Variants in PNOC observed in about 807,000 individuals in gnomAD.
PNOC encodes nociceptin.
In PNOC, 10 loss-of-function variants were observed where a neutral mutation model predicts 15.6. That is an observed-to-expected ratio of 0.64 (90% CI 0.40 to 1.09). The LOEUF is 1.09. PNOC is among the 50% of genes least tolerant of loss of function. The pLI, the probability that PNOC is intolerant of heterozygous loss-of-function variation, is 0.01. For missense variants in PNOC, 220 were observed against 223.9 expected, an observed-to-expected ratio of 0.98 and a Z score of 0.11; for synonymous variants, 98 against 88.5, an observed-to-expected ratio of 1.11 and a Z score of -0.60.
At chr8:28,334,886 T>A (rs928223300) in intron 2 of PNOC, among the ~76,000 whole-genome samples, 22 of 152,224 alleles carry the variant, frequency 1.4e-4, no homozygotes, top group African/African-American at 5.3e-4. Flanking sequence ...TATCATTTTT[T>A]ATAATCAGTA....
chr8:28,342,878 G>C, intron 3 of PNOC, 64 bp from the exon 4 acceptor site: 2 of 593,378 alleles, frequency 3.4e-6, no homozygotes. Flanking sequence ...GTCTCTAGGG[G>C]GAATAGAAAA....
chr8:28,330,396 A>ATTTTATTTTATTTTTTTTTTTTTTTTTTT (rs377288105), intron 2 of PNOC, among the ~76,000 whole-genome samples: 6 of 80,414 alleles, frequency 7.5e-5, no homozygotes, highest in African/African-American at 2.0e-4. Context: ...ATTTTATTTT[A>ATTTTATTTTATTTTTTTTTTTTTTTTTTT]TTTTTTTTTT....
chr8:28,334,840 T>C (rs1172802706), intron 2 of PNOC, among the ~76,000 whole-genome samples: 1 of 152,178 alleles, frequency 6.6e-6, no homozygotes, highest in African/African-American at 2.4e-5. Flanking sequence ...AACTTCATTG[T>C]TCTTAAGGCA....
chr8:28,323,926 T>G (rs1428467578), intron 1 of PNOC, among the ~76,000 whole-genome samples: 3 of 152,270 alleles, frequency 2.0e-5, no homozygotes, highest in Non-Finnish European at 4.4e-5. Context: ...TGGATGGAAC[T>G]ATGTGGTCAT....
chr8:28,333,930 A>C (rs1199307478), intron 2 of PNOC, among the ~76,000 whole-genome samples: 1 of 152,128 alleles, frequency 6.6e-6, no homozygotes, highest in Non-Finnish European at 1.5e-5. Context: ...TTGACTTTGT[A>C]GAGCAGAGTT....
chr8:28,329,164 G>C lies in PNOC; in HGVS notation c.7G>C (p.Val3Leu). Residue 3 changes from valine (V) to leucine (L), a missense_variant, in exon 2 of 4, where the codon GTC becomes CTC. Coordinates refer to ENST00000301908, the MANE Select transcript of PNOC (RefSeq NM_006228.5). Reference protein sequence around the residue: MKVLLCDLLLLSL... With the variant: MKLLLCDLLLLSL... ...TGCTTCCTGCTCCTGCACCATGAAA[G>C]TCCTGCTTTGTGACCTGCTGCTGCT... 2.5e-6 allele frequency: 4 copies of C among 1,613,694 alleles called. No homozygotes were observed. Among genetic ancestry groups the C allele is most frequent in the Non-Finnish European group, 2.5e-6 (3 of 1,180,020 alleles).
rs1431540071 is a variant in PNOC at position 28,330,400 on chromosome 8, T to TATTTTATTTTATTTTATTTTATTTTA, written c.126+1117_126+1118insATTTTATTTTATTTTATTTTATTTTA. On this transcript the variant is annotated intron_variant, in intron 2 of 3. Transcript: ENST00000301908. ...TATTTTATTTTATTTTATTTTATTT[T>TATTTTATTTTATTTTATTTTATTTTA]TTTTTTTTTTTTGAGACGGAGTCTT... is the stretch of plus-strand genomic sequence containing the variant. 1.9e-3 allele frequency among the ~76,000 whole-genome samples: 194 copies of TATTTTATTTTATTTTATTTTATTTTA among 102,198 alleles called. 1 individual carries two copies. The highest frequency in any genetic ancestry group is 6.4e-3 in the African/African-American group (177 of 27,792). The allele number at this position is 102,198 out of a possible 152,430, so 67.0% of individuals were successfully genotyped here.
chr8:28,319,655 C>A (rs888943864), intron 1 of PNOC, among the ~76,000 whole-genome samples: 1 of 152,168 alleles, frequency 6.6e-6, no homozygotes, highest in East Asian at 1.9e-4. Flanking sequence ...TTCAGGTGAG[C>A]GTTCTCTACT....
intron 2 of PNOC, 59 bp from the exon 3 acceptor site, chr8:28,338,981 G>C: frequency 6.9e-7 from 1 of 1,441,386 alleles, no homozygotes; most frequent in South Asian, 1.4e-5. Flanking sequence ...CTCCTCCCTC[G>C]CCCTGGATTA....
chr8:28,339,490 G>T lies in PNOC; in HGVS notation c.*46G>T, dbSNP rs2129907829. On this transcript the variant is annotated splice_region_variant and 3_prime_UTR_variant, in exon 3 of 4. Transcript: ENST00000301908. ...AGCTGTACCGGCCACTGCAACCCAT[G>T]AGTGAGTTGGGCACCAATAAGCTGG... 1 of 1,497,240 alleles carries T rather than the reference G, an allele frequency of 6.7e-7. No individual in the cohort carries two copies. Among genetic ancestry groups the T allele is most frequent in the Non-Finnish European group, 8.9e-7 (1 of 1,125,258 alleles). 92.7% of individuals were successfully genotyped at this position (1,497,240 alleles called of 1,614,324 possible).
rs775330918 is a variant in PNOC at position 28,343,104 on chromosome 8, G to A, written c.*210G>A. ...TTGTTCCTCCCCAGCCCCCTGGCATGTTTCACCACAACCCTGTTGCTACAT... is the reference window on the plus strand; with the variant it reads ...TTGTTCCTCCCCAGCCCCCTGGCATATTTCACCACAACCCTGTTGCTACAT... On this transcript the variant is annotated 3_prime_UTR_variant, in exon 4 of 4. Coordinates refer to ENST00000301908, the MANE Select transcript of PNOC (RefSeq NM_006228.5). The A allele has an allele frequency of 7.5e-5, 37 of 491,264 alleles. No individual in the cohort carries two copies. Among genetic ancestry groups the A allele is most frequent in the Admixed American group, 4.5e-4 (7 of 15,674 alleles). 30.4% of individuals were successfully genotyped at this position (491,264 alleles called of 1,614,324 possible).
At chr8:28,336,278 G>A (rs990332080) in intron 2 of PNOC, among the ~76,000 whole-genome samples, 7 of 152,166 alleles carry the variant, frequency 4.6e-5, no homozygotes, top group South Asian at 2.1e-4. Flanking sequence ...GTCATATTCC[G>A]CCTTAGAAGG....
intron 1 of PNOC, among the ~76,000 whole-genome samples, chr8:28,317,636 G>T (rs1801080390): frequency 6.6e-6 from 1 of 152,156 alleles, no homozygotes. Flanking sequence ...TCGAGAGGAG[G>T]CTGCTGGAGG....
intron 1 of PNOC, among the ~76,000 whole-genome samples, chr8:28,328,640 C>T (rs550987177): frequency 6.6e-6 from 1 of 152,280 alleles, no homozygotes; most frequent in African/African-American, 2.4e-5. Context: ...CTTTGCAAAA[C>T]TCCCCTTACA....
Position 28,343,293 on chromosome 8 carries a change from T to A in PNOC, c.*399T>A, listed in dbSNP as rs763983806. On this transcript the variant is annotated 3_prime_UTR_variant, in exon 4 of 4. Transcript: ENST00000301908. The stretch of plus-strand genomic sequence containing the variant: ...CTTGTTTGTAAAAGAGCTGTTCTTT[T>A]TGACTGATTGTTTTAAACAACGATT... 2.6e-5 allele frequency: 4 copies of A among 152,724 alleles called. No individual in the cohort carries two copies. Among genetic ancestry groups the A allele is most frequent in the African/African-American group, 9.6e-5 (4 of 41,478 alleles). The allele number at this position is 152,724 out of a possible 1,614,324, so 9.5% of individuals were successfully genotyped here.
rs1234903198 is a variant in PNOC, at chr8:28,339,246, C to T, written c.333C>T (p.Pro111=). Residue 111 remains proline, a synonymous_variant, in exon 3 of 4, where the codon CCC becomes CCT. Coordinates refer to ENST00000301908, the MANE Select transcript of PNOC (RefSeq NM_006228.5). ...VRSLFQEQEE[P]EPGMEEAGEM... is the part of the protein sequence containing the mutation. Reference sequence around the variant, plus strand: ...GCTTGTTCCAGGAGCAGGAAGAGCCCGAGCCTGGCATGGAGGAGGCTGGTG... The same window carrying T: ...GCTTGTTCCAGGAGCAGGAAGAGCCTGAGCCTGGCATGGAGGAGGCTGGTG... 15 of 1,609,748 alleles carry T rather than the reference C, an allele frequency of 9.3e-6. No individual in the cohort carries two copies. The highest frequency in any genetic ancestry group is 2.2e-5 in the East Asian group (1 of 44,786).
Position 28,329,194 on chromosome 8 carries a change from C to T in PNOC, c.37C>T (p.Leu13Phe), listed in dbSNP as rs1300068354. Residue 13 changes from leucine to phenylalanine, a missense_variant, in exon 2 of 4, where the codon CTC (leucine) becomes TTC (phenylalanine). By Grantham distance (22) the Leu-to-Phe change is conservative. Transcript: ENST00000301908. ...GCTTTGTGACCTGCTGCTGCTCAGT[C>T]TCTTCTCCAGTGTGTTCAGCAGTTG... ...VLLCDLLLLSLFSSVFSSCQR... is the reference protein window; with the variant it reads ...VLLCDLLLLSFFSSVFSSCQR... The T allele has an allele frequency of 4.3e-6, 7 of 1,614,018 alleles. No homozygotes were observed. The highest frequency in any genetic ancestry group is 5.9e-6 in the Non-Finnish European group (7 of 1,180,022).
intron 1 of PNOC, 45 bp from the exon 2 acceptor site, chr8:28,329,090 T>C (rs2645721): frequency 0.41 from 652,331 of 1,592,882 alleles, 141,913 homozygotes; most frequent in Non-Finnish European, 0.45. Context: ...TGAGCAGCCC[T>C]CCGAGAATGG....
intron 2 of PNOC, among the ~76,000 whole-genome samples, chr8:28,330,400 T>TATTTTTTTTTATTTTTTTA (rs1431540071): frequency 9.8e-6 from 1 of 102,226 alleles, no homozygotes; most frequent in Non-Finnish European, 2.0e-5. Context: ...TATTTTATTT[T>TATTTTTTTTTATTTTTTTA]TTTTTTTTTT....
Sources: allele counts gnomAD v4.1 joint callset (sites outside exome capture counted in the v4.1 genomes callset), GRCh38; gene constraint gnomAD v4.1.1; transcripts MANE v1.5; gene names NCBI Gene and HGNC (gene_info 2026-07-23, HGNC 2026-07-21).